FRMPD4: variants seen among roughly 807,000 people sequenced by gnomAD.
FRMPD4 encodes FERM and PDZ domain-containing protein 4.
Under a neutral mutation model 94.1 loss-of-function variants are expected in FRMPD4, and 22 were observed. That is an observed-to-expected ratio of 0.23 (90% confidence interval 0.17 to 0.33). FRMPD4 has a LOEUF of 0.33. Ranked by LOEUF, FRMPD4 falls within the 10% of genes least tolerant of loss-of-function variation. The pLI is 1.00. For missense variants in FRMPD4, 1,111 were observed against 1,339.9 expected (o/e 0.83, Z 2.67); for synonymous variants, 631 against 548.6 (o/e 1.15, Z -2.10).
At chrX:12,351,019 C>CA (rs777240585) in intron 1 of FRMPD4, among the ~76,000 whole-genome samples, 35 of 110,912 alleles carry the variant, frequency 3.2e-4, no homozygotes, top group African/African-American at 1.1e-3. Context: ...ACTAAAAATA[C>CA]AAAAATTAGC....
chrX:12,365,420 GC>G (rs1208564820), intron 1 of FRMPD4, among the ~76,000 whole-genome samples: 1 of 111,494 alleles, frequency 9.0e-6, no homozygotes, highest in African/African-American at 3.3e-5. Flanking sequence ...CTCTATCAGT[GC>G]CTTTCTTGAT....
chrX:12,466,856 A>G (rs2148165080), intron 1 of FRMPD4, among the ~76,000 whole-genome samples: 1 of 112,211 alleles, frequency 8.9e-6, no homozygotes, highest in East Asian at 2.8e-4. Flanking sequence ...AGGTTGACAT[A>G]TTGAGAAAGG....
chrX:11,993,184 G>A (rs947676249), intron 3 of FRMPD4, among the ~76,000 whole-genome samples: 1 of 110,611 alleles, frequency 9.0e-6, no homozygotes, highest in South Asian at 3.9e-4. Context: ...TGGGGTACCT[G>A]CTGTGGCTAC....
At chrX:12,203,296 T>A (rs1345835740) in intron 1 of FRMPD4, among the ~76,000 whole-genome samples, 1 of 112,130 alleles carries the variant, frequency 8.9e-6, no homozygotes, top group Non-Finnish European at 1.9e-5. Context: ...TCAAGGATAC[T>A]TTTGTTGGTA....
At chrX:11,875,015 G>T (rs781342795) in intron 2 of FRMPD4, among the ~76,000 whole-genome samples, 1 of 112,428 alleles carries the variant, frequency 8.9e-6, no homozygotes, top group African/African-American at 3.2e-5. Flanking sequence ...CCTTGAACGT[G>T]AATGTCAGGC....
rs190665215 is a variant in FRMPD4 at position 12,185,647 on chromosome X, C to T, written c.41+46635C>T. 5.0e-3 allele frequency among the ~76,000 whole-genome samples: 555 copies of T among 111,374 alleles called. 2 individuals are homozygous for T. The highest frequency in any genetic ancestry group is 9.2e-3 in the Middle Eastern group (2 of 218). ...AACACCTCAAAGGGAAAAAACTGTT[C>T]ATGGAGTCATTTTTGAAATGTCAGT... is the stretch of plus-strand genomic sequence containing the variant. On this transcript the variant is annotated intron_variant, in intron 1 of 16. Transcript: ENST00000675598.
At chrX:12,524,124 C>T (rs925990518) in intron 2 of FRMPD4, among the ~76,000 whole-genome samples, 1 of 111,838 alleles carries the variant, frequency 8.9e-6, no homozygotes, top group African/African-American at 3.3e-5. Context: ...CCCTGCACCC[C>T]AGCCTGGGTG....
intron 14 of FRMPD4, among the ~76,000 whole-genome samples, chrX:12,711,945 T>C (rs2041995334): frequency 9.0e-6 from 1 of 110,654 alleles, no homozygotes; most frequent in South Asian, 3.9e-4. Flanking sequence ...GATGGCCAGG[T>C]GAATGGAAGC....
chrX:11,925,326 C>T (rs1270089205), intron 3 of FRMPD4, among the ~76,000 whole-genome samples: 1 of 111,335 alleles, frequency 9.0e-6, no homozygotes, highest in East Asian at 2.8e-4. Context: ...ACTTTAACAT[C>T]CCACTGATAT....
intron 2 of FRMPD4, among the ~76,000 whole-genome samples, chrX:12,604,449 T>C (rs1292678845): frequency 8.9e-6 from 1 of 112,245 alleles, no homozygotes; most frequent in Non-Finnish European, 1.9e-5. Context: ...TTTGTATTTA[T>C]TGTGTCATTG....
intron 3 of FRMPD4, among the ~76,000 whole-genome samples, chrX:12,067,180 A>G (rs779561073): frequency 1.3e-3 from 145 of 109,534 alleles, no homozygotes; most frequent in African/African-American, 4.6e-3. Context: ...AGCAGTCCCC[A>G]AGTTTTAAGG....
chrX:12,220,779 A>G (rs932454078), intron 1 of FRMPD4, among the ~76,000 whole-genome samples: 4 of 112,454 alleles, frequency 3.6e-5, no homozygotes, highest in African/African-American at 9.7e-5. Flanking sequence ...TGGCAGATTA[A>G]ATAAAAATTT....
intron 1 of FRMPD4, among the ~76,000 whole-genome samples, chrX:12,219,187 G>A (rs1298651114): frequency 9.0e-6 from 1 of 111,611 alleles, no homozygotes; most frequent in Non-Finnish European, 1.9e-5. Flanking sequence ...TGAGCAACAC[G>A]ACGAAATCTC....
chrX:12,221,659 C>T (rs1348052765), intron 1 of FRMPD4, among the ~76,000 whole-genome samples: 1 of 111,855 alleles, frequency 8.9e-6, no homozygotes, highest in Non-Finnish European at 1.9e-5. Flanking sequence ...TGTGCAAAGG[C>T]TTCTTGTTAG....
chrX:11,833,456 G>A (rs968246821), intron 1 of FRMPD4, among the ~76,000 whole-genome samples: 2 of 111,506 alleles, frequency 1.8e-5, no homozygotes, highest in Non-Finnish European at 3.8e-5. Flanking sequence ...TTTTCATTCC[G>A]ACCAGTAAGG....
chrX:12,550,220 G>A (rs1030244290), intron 2 of FRMPD4, among the ~76,000 whole-genome samples: 3 of 111,163 alleles, frequency 2.7e-5, no homozygotes, highest in African/African-American at 9.8e-5. Context: ...ATTACACATT[G>A]GAAAGTGGCA....
chrX:12,227,414 C>A (rs1403966055), intron 1 of FRMPD4, among the ~76,000 whole-genome samples: 1 of 112,059 alleles, frequency 8.9e-6, no homozygotes, highest in African/African-American at 3.2e-5. Context: ...TTGCTGTAGA[C>A]TCCTAGAAGT....
intron 3 of FRMPD4, among the ~76,000 whole-genome samples, chrX:11,979,238 T>C (rs1274897354): frequency 6.2e-5 from 7 of 112,223 alleles, no homozygotes; most frequent in Non-Finnish European, 1.3e-4. Flanking sequence ...CTAGAAAATA[T>C]GCCATTTAGT....
At chrX:11,910,283 A>G (rs939262061) in intron 3 of FRMPD4, among the ~76,000 whole-genome samples, 3 of 112,347 alleles carry the variant, frequency 2.7e-5, no homozygotes, top group African/African-American at 9.7e-5. Flanking sequence ...TGTGGTGTTT[A>G]CCAAAATAAA....
Sources: gnomAD v4.1 joint callset for allele counts (sites outside exome capture counted in the v4.1 genomes callset) on GRCh38, gnomAD v4.1.1 for gene constraint, MANE v1.5 for transcripts, NCBI Gene and HGNC (gene_info 2026-07-23, HGNC 2026-07-21) for gene names.